Variants in PCDH15 observed in about 807,000 individuals in gnomAD.
PCDH15 encodes the protein protocadherin-15.
Under a neutral mutation model 178.5 loss-of-function variants are expected in PCDH15, and 129 were observed. That is an observed-to-expected ratio of 0.72 (90% CI 0.63 to 0.84). PCDH15 has a LOEUF of 0.84. Among genes scored for constraint, PCDH15 ranks in the 40% least tolerant of loss-of-function variants. The pLI is 0.00. For missense variants in PCDH15, 2,230 were observed against 2,099.9 expected, an observed-to-expected ratio of 1.06 and a Z score of -1.21; for synonymous variants, 800 against 732.0, an observed-to-expected ratio of 1.09 and a Z score of -1.50.
chr10:54,109,560 A>T (rs2094976963), intron 15 of PCDH15, among the ~76,000 whole-genome samples: 1 of 152,194 alleles, frequency 6.6e-6, no homozygotes, highest in Admixed American at 6.5e-5. Flanking sequence ...AAGGGAAATA[A>T]GAAAATTAAG....
At chr10:54,064,308 T>A (rs1590199879) in intron 18 of PCDH15, among the ~76,000 whole-genome samples, 1 of 152,028 alleles carries the variant, frequency 6.6e-6, no homozygotes, top group Admixed American at 6.6e-5. Context: ...GGCTCCAGGG[T>A]TTTTTTGGGC....
intron 1 of PCDH15, among the ~76,000 whole-genome samples, chr10:55,236,868 T>C (rs1009220483): frequency 6.6e-6 from 1 of 151,710 alleles, no homozygotes; most frequent in Non-Finnish European, 1.5e-5. Context: ...AATAAAATAC[T>C]AATATAATTG....
intron 21 of PCDH15, among the ~76,000 whole-genome samples, chr10:53,964,380 A>ATTTATAAATTTTATTCATAAAATT (rs2088722187): frequency 3.4e-5 from 4 of 117,934 alleles, no homozygotes; most frequent in African/African-American, 9.8e-5. Context: ...AAAAAAATTT[A>ATTTATAAATTTTATTCATAAAATT]TTTATAAATT....
In PCDH15 at chr10:55,062,370, A is replaced by G. The variant is rs182657689; in HGVS notation, c.-80+104206T>C. Among the ~76,000 whole-genome samples, 245 of 152,302 alleles carry G rather than the reference A, an allele frequency of 1.6e-3. 3 individuals carry two copies. The highest frequency in any genetic ancestry group is 5.8e-4 in the East Asian group (3 of 5,172). On this transcript the variant is annotated intron_variant, in intron 2 of 5. Coordinates refer to the PCDH15 transcript ENST00000458638. ...TCCAGCCTCCCAAACTGTAAGAAAT[A>G]ATTTTTGTTGTCTATAAACTACCCA...
intron 25 of PCDH15, among the ~76,000 whole-genome samples, chr10:53,910,195 C>G (rs1297855799): frequency 6.6e-6 from 1 of 152,184 alleles, no homozygotes; most frequent in Non-Finnish European, 1.5e-5. Flanking sequence ...AACAGACAGA[C>G]TGCCTCCTCA....
chr10:54,730,123 T>C (rs944471248), intron 1 of PCDH15, among the ~76,000 whole-genome samples: 5 of 151,436 alleles, frequency 3.3e-5, no homozygotes, highest in African/African-American at 9.7e-5. Flanking sequence ...GCACTACTTA[T>C]AGTAACGAAG....
chr10:55,027,179 A>T (rs1840494512), intron 2 of PCDH15, among the ~76,000 whole-genome samples: 1 of 151,890 alleles, frequency 6.6e-6, no homozygotes, highest in Non-Finnish European at 1.5e-5. Flanking sequence ...AGAGGGAAAA[A>T]CTACGAGGGA....
chr10:55,547,496 C>T (rs749804963), intron 2 of PCDH15, among the ~76,000 whole-genome samples: 2 of 152,020 alleles, frequency 1.3e-5, no homozygotes, highest in Non-Finnish European at 2.9e-5. Flanking sequence ...CAATAGTCTA[C>T]ATAAAGGCTG....
intron 8 of PCDH15, among the ~76,000 whole-genome samples, chr10:54,265,087 C>A (rs2057584353): frequency 6.6e-6 from 1 of 152,076 alleles, no homozygotes; most frequent in South Asian, 2.1e-4. Context: ...TACAATCCAG[C>A]AGAGATTAGA....
chr10:54,163,618 C>T (rs2045930364), intron 13 of PCDH15, among the ~76,000 whole-genome samples: 1 of 152,002 alleles, frequency 6.6e-6, no homozygotes, highest in Non-Finnish European at 1.5e-5. Context: ...AGGAACAATC[C>T]TTGAGTCACC....
intron 26 of PCDH15, among the ~76,000 whole-genome samples, chr10:53,893,757 G>A (rs958693339): frequency 6.6e-6 from 1 of 152,140 alleles, no homozygotes; most frequent in Non-Finnish European, 1.5e-5. Context: ...AGGACGCAAA[G>A]GCATAAGAAT....
At chr10:55,237,860 T>C (rs567310854) in intron 1 of PCDH15, among the ~76,000 whole-genome samples, 2 of 152,104 alleles carry the variant, frequency 1.3e-5, no homozygotes, top group South Asian at 4.1e-4. Context: ...CAACACATTA[T>C]ATAAACTATT....
In PCDH15 at chr10:55,354,386, A is replaced by G. The variant is rs187687201; in HGVS notation, c.-155-187735T>C. Among the ~76,000 whole-genome samples the G allele has an allele frequency of 5.9e-5, 9 of 152,222 alleles. No individual in the cohort carries two copies. The East Asian group carries it at 1.4e-3, about 23-fold the overall frequency. On this transcript the variant is annotated intron_variant, in intron 2 of 5. Coordinates refer to the PCDH15 transcript ENST00000613346. ...TTAAATAGGGCACAATCGGACTTAA[A>G]GCAGCTCAGGGTACAATAGAGAAAC...
At chr10:54,336,019 A>G (rs1230079879) in intron 6 of PCDH15, among the ~76,000 whole-genome samples, 1 of 152,178 alleles carries the variant, frequency 6.6e-6, no homozygotes, top group Non-Finnish European at 1.5e-5. Flanking sequence ...ACTGGAGTAA[A>G]GGTAACCCTT....
rs184408817 is a variant in PCDH15, at chr10:53,938,994, C to T, written c.3233-39G>A. The T allele has an allele frequency of 2.6e-4, 413 of 1,592,884 alleles. 1 individual carries two copies. Among genetic ancestry groups the T allele is most frequent in the African/African-American group, 2.1e-3 (160 of 74,490 alleles). ...TACAATTACCTGGTCATTGTCTTTA[C>T]GCTATAAGGAAAGAAATTCTCTTTA... On this transcript the variant is annotated intron_variant, in intron 24 of 37. Coordinates refer to ENST00000644397, the MANE Select transcript of PCDH15 (RefSeq NM_001384140.1).
chr10:55,425,624 G>A (rs1838735417), intron 2 of PCDH15, among the ~76,000 whole-genome samples: 1 of 151,456 alleles, frequency 6.6e-6, no homozygotes, highest in Non-Finnish European at 1.5e-5. Context: ...AAAATCTTGT[G>A]GGTCTGAGAA....
At chr10:55,147,727 A>T (rs1049233274) in intron 2 of PCDH15, among the ~76,000 whole-genome samples, 1 of 150,926 alleles carries the variant, frequency 6.6e-6, no homozygotes, top group East Asian at 1.9e-4. Flanking sequence ...TTAGTTACAT[A>T]TGTATACATG....
chr10:55,196,183 G>A lies in PCDH15; in HGVS notation c.-155-29532C>T, dbSNP rs565500122. ...GTGATAGCCAGTTTGGATATTCATT[G>A]CCTATTACGACCTCCTACACAAGTT... is the stretch of plus-strand genomic sequence containing the variant. On this transcript the variant is annotated intron_variant, in intron 1 of 5. Coordinates refer to the PCDH15 transcript ENST00000458638. Among the ~76,000 whole-genome samples the A allele has an allele frequency of 5.3e-5, 8 of 151,994 alleles. No homozygotes were observed. The South Asian group carries it at 1.7e-3, about 32-fold the overall frequency.
intron 15 of PCDH15, among the ~76,000 whole-genome samples, chr10:54,108,126 C>G (rs1018293383): frequency 3.9e-5 from 6 of 152,020 alleles, no homozygotes; most frequent in African/African-American, 1.5e-4. Flanking sequence ...AGATGGTCCC[C>G]CAGTAATCAT....
Sources: gnomAD v4.1 joint callset for allele counts (sites outside exome capture counted in the v4.1 genomes callset) on GRCh38, gnomAD v4.1.1 for gene constraint, MANE v1.5 for transcripts, NCBI Gene and HGNC (gene_info 2026-07-23, HGNC 2026-07-21) for gene names.